VGLL4: variants seen among roughly 807,000 people sequenced by gnomAD.
The protein encoded by VGLL4 is vestigial like family member 4.
VGLL4 carries 7 observed loss-of-function variants against 21.0 expected under a neutral mutation model. The observed-to-expected ratio is 0.33, with a 90% CI of 0.19 to 0.63. The LOEUF is 0.63. Among genes scored for constraint, VGLL4 ranks in the 20% least tolerant of loss-of-function variants. The pLI is 0.78. For missense variants in VGLL4, 394 were observed against 425.7 expected, an observed-to-expected ratio of 0.93 and a Z score of 0.66; for synonymous variants, 222 against 173.2, an observed-to-expected ratio of 1.28 and a Z score of -2.21.
At chr3:11,663,495 A>G (rs2076065204) in intron 2 of VGLL4, among the ~76,000 whole-genome samples, 1 of 152,102 alleles carries the variant, frequency 6.6e-6, no homozygotes, top group African/African-American at 2.4e-5. Flanking sequence ...GAGGCAGGCA[A>G]ATCACCTGAG....
intron 2 of VGLL4, among the ~76,000 whole-genome samples, chr3:11,567,019 A>C (rs1418312434): frequency 6.6e-6 from 1 of 152,184 alleles, no homozygotes; most frequent in Non-Finnish European, 1.5e-5. Context: ...TCAAGCCTTT[A>C]GATGGACCCT....
At chr3:11,713,563 ATTAT>A (rs2076878031) in intron 1 of VGLL4, among the ~76,000 whole-genome samples, 2 of 70,840 alleles carry the variant, frequency 2.8e-5, no homozygotes, top group African/African-American at 1.9e-4. Flanking sequence ...GTGTATATAT[ATTAT>A]TTATATATAT....
rs1011752832 is a variant in VGLL4, at chr3:11,601,483, T to C, written c.272+350A>G. Among the ~76,000 whole-genome samples the C allele has an allele frequency of 2.0e-5, 3 of 152,196 alleles. No individual in the cohort carries two copies. In the East Asian group the frequency reaches 5.8e-4, roughly 29 times the overall value. ...GTGCACAGTGACATTCACTAAATGT[T>C]GATTCTCCTAAAAACAATCAATATG... is the stretch of plus-strand genomic sequence containing the variant. On this transcript the variant is annotated intron_variant, in intron 2 of 4. Transcript: ENST00000430365.
intron 2 of VGLL4, chr3:11,569,012 T>C (rs2073665977): frequency 2.1e-6 from 2 of 958,208 alleles, no homozygotes; most frequent in Admixed American, 1.0e-4. Context: ...GACAGAGCTT[T>C]CTGAGTACTG....
At position 11,558,147 on chromosome 3, in the gene VGLL4, A is replaced by C; in HGVS notation, c.*409T>G. ...TGGACCGAACCAAACACGCCGTGGA[A>C]GCTGAGCCACACACACCCCGGTCTC... On this transcript the variant is annotated 3_prime_UTR_variant, in exon 5 of 5. Transcript: ENST00000430365. 1 of 234,108 alleles carries C rather than the reference A, an allele frequency of 4.3e-6. No individual in the cohort carries two copies. The highest frequency in any genetic ancestry group is 8.4e-6 in the Non-Finnish European group (1 of 118,490). 14.5% of individuals were successfully genotyped at this position (234,108 alleles called of 1,614,324 possible). A position where few individuals can be genotyped will look rare whatever the true frequency, so the allele number is the denominator to read the frequency against.
intron 2 of VGLL4, among the ~76,000 whole-genome samples, chr3:11,671,848 G>A (rs937025795): frequency 6.6e-6 from 1 of 152,020 alleles, no homozygotes; most frequent in Admixed American, 6.6e-5. Flanking sequence ...TTTTAAAAAA[G>A]AATAGCATAT....
chr3:11,679,714 G>A (rs2076344001), intron 2 of VGLL4, among the ~76,000 whole-genome samples: 1 of 152,014 alleles, frequency 6.6e-6, no homozygotes, highest in African/African-American at 2.4e-5. Context: ...TATAGAATGA[G>A]AATATAAAGA....
At chr3:11,667,496 T>C (rs763614858) in intron 2 of VGLL4, among the ~76,000 whole-genome samples, 8 of 152,218 alleles carry the variant, frequency 5.3e-5, no homozygotes, top group Non-Finnish European at 8.8e-5. Context: ...TCATATACCA[T>C]TTATCTGCAT....
chr3:11,602,121 C>A (rs2074819850), intron 1 of VGLL4, 99 bp from the exon 2 acceptor site: 1 of 1,223,898 alleles, frequency 8.2e-7, no homozygotes, highest in Admixed American at 3.7e-5. Context: ...TACAAAACTA[C>A]TCCCAGTGGA....
At chr3:11,686,943 T>C (rs2076457940) in intron 2 of VGLL4, among the ~76,000 whole-genome samples, 1 of 152,224 alleles carries the variant, frequency 6.6e-6, no homozygotes, top group South Asian at 2.1e-4. Flanking sequence ...CATAGTAAAG[T>C]ATTAACCCAT....
chr3:11,613,243 G>GT (rs1285613326), intron 1 of VGLL4, among the ~76,000 whole-genome samples: 3 of 152,144 alleles, frequency 2.0e-5, no homozygotes, highest in Non-Finnish European at 4.4e-5. Context: ...CATGTGACAG[G>GT]TTAAGCACCG....
At chr3:11,673,770 T>G (rs1261295238) in intron 2 of VGLL4, among the ~76,000 whole-genome samples, 1 of 151,968 alleles carries the variant, frequency 6.6e-6, no homozygotes, top group African/African-American at 2.4e-5. Context: ...TCCTAGCACT[T>G]TGGGAGGCCA....
upstream of VGLL4, among the ~76,000 whole-genome samples, chr3:11,647,706 G>A (rs1232290185): frequency 3.3e-5 from 5 of 152,006 alleles, no homozygotes; most frequent in East Asian, 1.9e-4. Flanking sequence ...CTAGATCTTC[G>A]GAGCAAGGAC....
intron 1 of VGLL4, among the ~76,000 whole-genome samples, chr3:11,606,091 G>A (rs1461406409): frequency 2.0e-5 from 3 of 152,160 alleles, no homozygotes; most frequent in Non-Finnish European, 4.4e-5. Flanking sequence ...TCACAATCAC[G>A]GAGGAAGCCG....
chr3:11,677,909 CAAAAA>C (rs35366594), intron 2 of VGLL4, among the ~76,000 whole-genome samples: 11 of 120,906 alleles, frequency 9.1e-5, no homozygotes, highest in South Asian at 5.5e-4. Context: ...CTTCGTCTTT[CAAAAA>C]AAAAAAAAAA....
Position 11,556,626 on chromosome 3 carries a change from GAAC to G in VGLL4, c.*1927_*1929del, listed in dbSNP as rs1468287039. On this transcript the variant is annotated 3_prime_UTR_variant, in exon 5 of 5. Coordinates refer to ENST00000430365, the MANE Select transcript of VGLL4 (RefSeq NM_001128219.3). ...AAAAAAAGATCAACTTTTTTTTTCC[GAAC>G]AACAAAAAAAATGAATGATTACAAT... The G allele has an allele frequency of 6.7e-6, 1 of 150,296 alleles. No homozygotes were observed. The highest frequency in any genetic ancestry group is 1.5e-5 in the Non-Finnish European group (1 of 67,536). The allele number at this position is 150,296 out of a possible 1,614,324, so 9.3% of individuals were successfully genotyped here. A position where few individuals can be genotyped will look rare whatever the true frequency, so the allele number is the denominator to read the frequency against.
intron 2 of VGLL4, among the ~76,000 whole-genome samples, chr3:11,656,175 G>A (rs990329249): frequency 2.4e-4 from 36 of 152,322 alleles, no homozygotes; most frequent in Admixed American, 1.9e-3. Flanking sequence ...AAGGAGGGGA[G>A]AATAATGAGA....
At chr3:11,702,745 C>CAA (rs372702459) in intron 2 of VGLL4, 86 of 187,266 alleles carry the variant, frequency 4.6e-4, no homozygotes, top group Middle Eastern at 3.6e-3. Context: ...AAAAAAAAAA[C>CAA]AAAAAAAAAA....
At chr3:11,644,523 T>C (rs906744550), upstream of VGLL4, among the ~76,000 whole-genome samples, 2 of 151,984 alleles carry the variant, frequency 1.3e-5, no homozygotes, top group Non-Finnish European at 2.9e-5. Context: ...CAGAACTACT[T>C]TTAAAGTGTT....
Sources: allele counts gnomAD v4.1 joint callset (sites outside exome capture counted in the v4.1 genomes callset), GRCh38; gene constraint gnomAD v4.1.1; transcripts MANE v1.5; gene names NCBI Gene and HGNC (gene_info 2026-07-23, HGNC 2026-07-21).